The following PCDHGA1 variants were observed in gnomAD, a reference collection of about 807,000 sequenced individuals.
The protein encoded by PCDHGA1 is protocadherin gamma-A1.
Under a neutral mutation model 58.0 loss-of-function variants are expected in PCDHGA1, and 32 were observed. The ratio of observed to expected loss-of-function variants is 0.55; its 90% CI spans 0.42 to 0.74. The LOEUF (loss-of-function observed/expected upper bound fraction) is 0.74, where lower values mean the gene tolerates loss of function less well. Among genes scored for constraint, PCDHGA1 ranks in the 30% least tolerant of loss-of-function variants. The pLI is 0.00. For missense variants in PCDHGA1, 1,205 were observed against 1,182.3 expected (o/e 1.02, Z -0.28); for synonymous variants, 498 against 501.1 (o/e 0.99, Z 0.08).
intron 1 of PCDHGA1, chr5:141,356,509 C>T: frequency 6.2e-7 from 1 of 1,614,018 alleles, no homozygotes; most frequent in Non-Finnish European, 8.5e-7. Context: ...TACAGAAACT[C>T]ATATTTCACT....
At chr5:141,366,757 T>C in intron 1 of PCDHGA1, 1 of 1,606,518 alleles carries the variant, frequency 6.2e-7, no homozygotes, top group African/African-American at 1.3e-5. Context: ...TTCAGGTTAG[T>C]TTTCTCTTTC....
intron 1 of PCDHGA1, among the ~76,000 whole-genome samples, chr5:141,368,324 T>C (rs1238974511): frequency 6.6e-6 from 1 of 152,186 alleles, no homozygotes; most frequent in East Asian, 1.9e-4. Context: ...CATTCAAGTA[T>C]ATCTATATCT....
chr5:141,330,655 A>G lies in PCDHGA1; in HGVS notation c.-30A>G. On this transcript the variant is annotated 5_prime_UTR_variant, in exon 1 of 4. Coordinates refer to ENST00000517417, the MANE Select transcript of PCDHGA1 (RefSeq NM_018912.3). ...GCAGAAACGATACCCTTGGTACTGGACTGGAAGAAAACTACGAAGTGAGAG... is the reference window on the plus strand; with the variant it reads ...GCAGAAACGATACCCTTGGTACTGGGCTGGAAGAAAACTACGAAGTGAGAG... 6.3e-7 allele frequency: 1 copy of G among 1,576,420 alleles called. No homozygotes were observed.
intron 1 of PCDHGA1, chr5:141,371,298 A>G (rs1767641174): frequency 6.2e-7 from 1 of 1,614,018 alleles, no homozygotes; most frequent in Non-Finnish European, 8.5e-7. Context: ...GGGGGAACTC[A>G]CCACTATTGG....
At position 141,477,210 on chromosome 5, in the gene PCDHGA1, C is replaced by G. The variant is rs780852225; in HGVS notation, c.2422-17597C>G. 1.2e-6 allele frequency: 2 copies of G among 1,614,142 alleles called. No individual in the cohort carries two copies. The highest frequency in any genetic ancestry group is 1.7e-6 in the Non-Finnish European group (2 of 1,180,030). On this transcript the variant is annotated intron_variant, in intron 1 of 3. Coordinates refer to ENST00000517417, the MANE Select transcript of PCDHGA1 (RefSeq NM_018912.3). The surrounding 1 kb of genome is among the most constrained non-coding windows in gnomAD (Gnocchi z 4.9). ...GTGTACAGCCCAGTACCCGAGGATG[C>G]CCCTCTGGGGACTGTCATCGCTTTG...
chr5:141,349,423 C>T (rs1758290992), intron 1 of PCDHGA1, among the ~76,000 whole-genome samples: 1 of 152,052 alleles, frequency 6.6e-6, no homozygotes. Flanking sequence ...AACAAATGTA[C>T]ATTATATGAG....
chr5:141,393,481 C>G (rs368525192), intron 1 of PCDHGA1: 11 of 1,613,948 alleles, frequency 6.8e-6, no homozygotes, highest in African/African-American at 5.3e-5. Flanking sequence ...CCGCCTCGCT[C>G]TAGCACAGTG....
intron 1 of PCDHGA1, among the ~76,000 whole-genome samples, chr5:141,380,845 A>G (rs1215311097): frequency 6.6e-6 from 1 of 152,272 alleles, no homozygotes; most frequent in Admixed American, 6.5e-5. Context: ...GTAAAAATGG[A>G]TCAAGACATT....
At chr5:141,369,679 CAT>C (rs1189576308) in intron 1 of PCDHGA1, among the ~76,000 whole-genome samples, 3 of 152,162 alleles carry the variant, frequency 2.0e-5, no homozygotes, top group Middle Eastern at 3.4e-3. Flanking sequence ...GAAAGTGAAA[CAT>C]AGAATAAAAC....
intron 1 of PCDHGA1, among the ~76,000 whole-genome samples, chr5:141,453,670 G>A (rs191035462): frequency 2.5e-4 from 38 of 152,224 alleles, no homozygotes; most frequent in Middle Eastern, 6.8e-3. Context: ...TACACAAAAG[G>A]TAACACACTA....
rs2099681350 is a variant in PCDHGA1, at chr5:141,489,024, C to T, written c.2422-5783C>T. 1 of 450,378 alleles carries T rather than the reference C, an allele frequency of 2.2e-6. No individual in the cohort carries two copies. The highest frequency in any genetic ancestry group is 3.9e-6 in the Non-Finnish European group (1 of 256,582). 27.9% of individuals were successfully genotyped at this position (450,378 alleles called of 1,614,324 possible). On this transcript the variant is annotated intron_variant, in intron 1 of 3. Coordinates refer to ENST00000517417, the MANE Select transcript of PCDHGA1 (RefSeq NM_018912.3). The surrounding 1 kb of genome is among the most constrained non-coding windows in gnomAD (Gnocchi z 4.5). ...CTGCTCTTCCAGCCCGCCTCTCCTC[C>T]TCCAGCTCCCCAGCTCCACTCAAAT... is the stretch of plus-strand genomic sequence containing the variant.
intron 1 of PCDHGA1, chr5:141,361,117 G>A: frequency 6.2e-7 from 1 of 1,614,002 alleles, no homozygotes. Context: ...TGGAGATCTA[G>A]CAGCCCACTG....
intron 1 of PCDHGA1, chr5:141,393,114 CG>C: frequency 6.2e-7 from 1 of 1,613,418 alleles, no homozygotes; most frequent in Non-Finnish European, 8.5e-7. Flanking sequence ...TCAGAGCCCG[CG>C]GTGTCTGATA....
chr5:141,400,322 G>T lies in PCDHGA1; in HGVS notation c.2421+67217G>T, dbSNP rs1025265322. The stretch of plus-strand genomic sequence containing the variant: ...CAACCTGGTCTCTGTGTCAAGTCTG[G>T]ACCTGTGGTTCCCCCCAACTACAGT... On this transcript the variant is annotated intron_variant, in intron 1 of 3. Transcript: ENST00000517417. 1.9e-6 allele frequency: 3 copies of T among 1,613,952 alleles called. No homozygotes were observed. In the African/African-American group the frequency reaches 4.0e-5, roughly 22 times the overall value.
At chr5:141,492,505 C>A (rs1009723421) in intron 1 of PCDHGA1, among the ~76,000 whole-genome samples, 1 of 152,212 alleles carries the variant, frequency 6.6e-6, no homozygotes, top group Admixed American at 6.5e-5. Context: ...GACTCCGGAG[C>A]CTCCTCTCAC....
chr5:141,339,408 C>G, intron 1 of PCDHGA1: 1 of 1,614,228 alleles, frequency 6.2e-7, no homozygotes, highest in Non-Finnish European at 8.5e-7. Context: ...AGTGAAACCA[C>G]TACGCCAGGA....
chr5:141,364,793 C>T, intron 1 of PCDHGA1: 1 of 1,614,028 alleles, frequency 6.2e-7, no homozygotes. Context: ...GTTAGTGCTT[C>T]CCTTCGCGCG....
chr5:141,489,300 C>G lies in PCDHGA1; in HGVS notation c.2422-5507C>G. The G allele has an allele frequency of 6.3e-7, 1 of 1,585,700 alleles. No individual in the cohort carries two copies. The highest frequency in any genetic ancestry group is 1.2e-5 in the South Asian group (1 of 85,012). Reference sequence around the variant, plus strand: ...AATGGCAAGTGCTGTGCATGTTGTCCTTGTGCTGCTGGGGCTGGGTGTCTG... The same window carrying G: ...AATGGCAAGTGCTGTGCATGTTGTCGTTGTGCTGCTGGGGCTGGGTGTCTG... On this transcript the variant is annotated intron_variant, in intron 1 of 3. Coordinates refer to ENST00000517417, the MANE Select transcript of PCDHGA1 (RefSeq NM_018912.3). This position sits in a 1 kb window ranked among gnomAD's most constrained non-coding sequence, Gnocchi z 4.5.
intron 1 of PCDHGA1, chr5:141,375,232 C>G: frequency 6.2e-7 from 1 of 1,613,986 alleles, no homozygotes; most frequent in Non-Finnish European, 8.5e-7. Flanking sequence ...GCCTGGTAAC[C>G]TGTTCCATCC....
Sources: allele counts gnomAD v4.1 joint callset (sites outside exome capture counted in the v4.1 genomes callset), GRCh38; gene constraint gnomAD v4.1.1; non-coding constraint Gnocchi (gnomAD v3.1); transcripts MANE v1.5; gene names NCBI Gene and HGNC (gene_info 2026-07-23, HGNC 2026-07-21).